Variants in ADCY2 observed in about 807,000 individuals in gnomAD.
ADCY2 encodes the protein adenylate cyclase type 2.
A neutral mutation model predicts 125.2 loss-of-function variants in ADCY2; 31 were observed. The ratio of observed to expected loss-of-function variants is 0.25; its 90% confidence interval spans 0.19 to 0.33. The LOEUF (loss-of-function observed/expected upper bound fraction) is 0.33, where lower values mean the gene tolerates loss of function less well. ADCY2 is among the 10% of genes least tolerant of loss of function. The pLI is 1.00. For synonymous variants in ADCY2, 512 were observed against 548.4 expected, an observed-to-expected ratio of 0.93 and a Z score of 0.93; for missense variants, 904 against 1,418.2, an observed-to-expected ratio of 0.64 and a Z score of 5.82.
At chr5:7,599,818 G>A (rs1295603223) in intron 3 of ADCY2, among the ~76,000 whole-genome samples, 1 of 152,052 alleles carries the variant, frequency 6.6e-6, no homozygotes, top group Non-Finnish European at 1.5e-5. Context: ...ATAGGAGGAA[G>A]GAATTAGAAA....
chr5:7,583,568 C>T (rs895824016), intron 3 of ADCY2, among the ~76,000 whole-genome samples: 8 of 152,082 alleles, frequency 5.3e-5, no homozygotes, highest in Admixed American at 4.6e-4. Context: ...TAACACTACC[C>T]ATATATCAAA....
chr5:7,648,288 C>G (rs1336834137), intron 4 of ADCY2, among the ~76,000 whole-genome samples: 1 of 152,086 alleles, frequency 6.6e-6, no homozygotes, highest in African/African-American at 2.4e-5. Context: ...TACTCACATC[C>G]TAGCTAATTA....
At chr5:7,637,311 A>C (rs1383764300) in intron 4 of ADCY2, among the ~76,000 whole-genome samples, 2 of 152,040 alleles carry the variant, frequency 1.3e-5, no homozygotes, top group Non-Finnish European at 2.9e-5. Context: ...CTCTACTAGA[A>C]ATACAAAAAT....
intron 4 of ADCY2, among the ~76,000 whole-genome samples, chr5:7,662,883 G>A (rs182707000): frequency 2.7e-4 from 41 of 152,346 alleles, no homozygotes; most frequent in Non-Finnish European, 4.9e-4. Flanking sequence ...CCTAGCATGA[G>A]CAAGGAAATT....
intron 16 of ADCY2, among the ~76,000 whole-genome samples, chr5:7,762,642 C>G (rs1487082150): frequency 6.6e-6 from 1 of 152,156 alleles, no homozygotes; most frequent in African/African-American, 2.4e-5. Flanking sequence ...GGGTTGTTTC[C>G]CTTTTTACCT....
intron 2 of ADCY2, among the ~76,000 whole-genome samples, chr5:7,450,711 G>A (rs183875258): frequency 6.6e-6 from 1 of 152,094 alleles, no homozygotes; most frequent in African/African-American, 2.4e-5. Context: ...TGGCTTCAAA[G>A]GTTCAAAGGC....
At chr5:7,503,769 C>A (rs1743690262) in intron 2 of ADCY2, among the ~76,000 whole-genome samples, 1 of 152,244 alleles carries the variant, frequency 6.6e-6, no homozygotes, top group African/African-American at 2.4e-5. Context: ...CGCCAATGTG[C>A]ATGTGGGCAC....
At chr5:7,634,073 T>C (rs992779405) in intron 4 of ADCY2, among the ~76,000 whole-genome samples, 3 of 152,236 alleles carry the variant, frequency 2.0e-5, no homozygotes, top group African/African-American at 7.2e-5. Flanking sequence ...CATCATATTT[T>C]TCTTCCTGCA....
Position 7,396,390 on chromosome 5 carries a change from T to G in ADCY2, c.94T>G (p.Trp32Gly), listed in dbSNP as rs1383724730. 1.3e-6 allele frequency: 2 copies of G among 1,566,942 alleles called. No homozygotes were observed. Among genetic ancestry groups the G allele is most frequent in the South Asian group, 2.3e-5 (2 of 87,218 alleles). Residue 32 changes from tryptophan (W) to glycine (G), a missense_variant, in exon 1 of 25, where the codon TGG (tryptophan) becomes GGG (glycine). Physicochemically the swap from Trp to Gly is radical, Grantham distance 184. Around this residue, in one of 7 missense-constraint regions of ADCY2, gnomAD observed 113 missense variants for 108.0 expected, o/e 1.05. Transcript: ENST00000338316. This position sits in a 1 kb window ranked among gnomAD's most constrained non-coding sequence, Gnocchi z 5.7. ...AGACGGGCTGCCGCGGTCCCGGGAC[T>G]GGCTCTACGAGTCCTACTACTGCAT... Reference protein sequence around the residue: ...GGDGLPRSRDWLYESYYCMSQ... With the variant: ...GGDGLPRSRDGLYESYYCMSQ...
At chr5:7,529,244 A>AAATGAGGG (rs112132341) in intron 3 of ADCY2, among the ~76,000 whole-genome samples, 110,605 of 148,552 alleles carry the variant, frequency 0.74, 43,369 homozygotes, top group East Asian at 0.88. Flanking sequence ...AGGAATGAGG[A>AAATGAGGG]CTTAATGAAA....
chr5:7,440,002 G>A (rs1435342786), intron 2 of ADCY2, among the ~76,000 whole-genome samples: 4 of 152,180 alleles, frequency 2.6e-5, no homozygotes, highest in Non-Finnish European at 4.4e-5. Flanking sequence ...AATAAGATGG[G>A]TGAGAAGTAC....
At chr5:7,476,013 T>G (rs545150608) in intron 2 of ADCY2, among the ~76,000 whole-genome samples, 7 of 152,310 alleles carry the variant, frequency 4.6e-5, no homozygotes, top group African/African-American at 1.4e-4. Flanking sequence ...CCCGTTGGTA[T>G]TAATAATATC....
chr5:7,493,363 T>C (rs1167474353), intron 2 of ADCY2, among the ~76,000 whole-genome samples: 1 of 151,766 alleles, frequency 6.6e-6, no homozygotes, highest in Non-Finnish European at 1.5e-5. Context: ...AGGAAGTGAG[T>C]GCCTGTTACT....
At chr5:7,634,172 A>G (rs1486352082) in intron 4 of ADCY2, among the ~76,000 whole-genome samples, 1 of 152,144 alleles carries the variant, frequency 6.6e-6, no homozygotes, top group Non-Finnish European at 1.5e-5. Context: ...CAAAATGTTA[A>G]AGTTACTGAT....
chr5:7,674,927 G>A (rs867879897), intron 4 of ADCY2, among the ~76,000 whole-genome samples: 23 of 152,074 alleles, frequency 1.5e-4, no homozygotes, highest in Non-Finnish European at 1.9e-4. Context: ...AGGCCGAGGC[G>A]GGCGGATCAC....
intron 22 of ADCY2, 139 bp downstream of exon 22, chr5:7,804,831 G>A: frequency 1.6e-6 from 1 of 639,910 alleles, no homozygotes; most frequent in Non-Finnish European, 2.7e-6. Flanking sequence ...GGTCCTATGA[G>A]AGAAGATGAA....
intron 14 of ADCY2, among the ~76,000 whole-genome samples, chr5:7,743,238 G>C (rs527858020): frequency 4.6e-5 from 7 of 151,876 alleles, no homozygotes; most frequent in African/African-American, 1.4e-4. Context: ...ATGTCTCCTG[G>C]GTCAACAGGA....
chr5:7,447,516 A>G (rs1428277474), intron 2 of ADCY2, among the ~76,000 whole-genome samples: 6 of 152,188 alleles, frequency 3.9e-5, no homozygotes, highest in Non-Finnish European at 7.3e-5. Flanking sequence ...AGGTCTGGTC[A>G]GGTAATCTCC....
At chr5:7,410,871 A>C (rs149839180) in intron 1 of ADCY2, among the ~76,000 whole-genome samples, 1 of 152,122 alleles carries the variant, frequency 6.6e-6, no homozygotes, top group African/African-American at 2.4e-5. Flanking sequence ...AAACAACTCA[A>C]TCAGAAGAAC....
Sources: gnomAD v4.1 joint callset for allele counts (sites outside exome capture counted in the v4.1 genomes callset) on GRCh38, gnomAD v4.1.1 for gene constraint, gnomAD v4.1.1 regional missense constraint, Gnocchi (gnomAD v3.1) non-coding constraint, MANE v1.5 for transcripts, NCBI Gene and HGNC (gene_info 2026-07-23, HGNC 2026-07-21) for gene names.